The following ABLIM2 variants were observed in gnomAD, a reference collection of about 807,000 sequenced individuals.
ABLIM2 encodes the protein actin binding LIM protein family member 2.
ABLIM2 carries 53 observed loss-of-function variants against 97.7 expected under a neutral mutation model. The ratio of observed to expected loss-of-function variants is 0.54; its 90% CI spans 0.44 to 0.68. The LOEUF is 0.68. ABLIM2 is among the 30% of genes least tolerant of loss of function. The pLI, the probability that ABLIM2 is intolerant of heterozygous loss-of-function variation, is 0.00. For missense variants in ABLIM2, 835 were observed against 867.2 expected (o/e 0.96, Z 0.47); for synonymous variants, 361 against 345.8 (o/e 1.04, Z -0.49).
chr4:8,085,727 TG>T lies in ABLIM2; in HGVS notation c.454+2441del, dbSNP rs940774063. ...GCAGCCCCGTCCACTCACGCGGGTC[TG>T]GGGGGTGCACCCAGCACATTTCACA... On this transcript the variant is annotated intron_variant, in intron 4 of 20. Transcript: ENST00000447017. The surrounding 1 kb of genome is among the most constrained non-coding windows in gnomAD (Gnocchi z 6.1). 6.6e-6 allele frequency among the ~76,000 whole-genome samples: 1 copy of T among 151,908 alleles called. No individual in the cohort carries two copies. Among genetic ancestry groups the T allele is most frequent in the Admixed American group, 6.6e-5 (1 of 15,256 alleles).
At position 7,970,555 on chromosome 4, in the gene ABLIM2, T is replaced by C. The variant is rs1727043880; in HGVS notation, c.1825-3452A>G. On this transcript the variant is annotated intron_variant, in intron 20 of 20. Coordinates refer to ENST00000447017, the MANE Select transcript of ABLIM2 (RefSeq NM_001130083.2). This position sits in a 1 kb window ranked among gnomAD's most constrained non-coding sequence, Gnocchi z 5.3. ...GGGCAGGCTTGAGGATGACACCATG[T>C]GCTCCAGGCTGTGGGAGCCTCTGGG... Among the ~76,000 whole-genome samples, 1 of 151,898 alleles carries C rather than the reference T, an allele frequency of 6.6e-6. No homozygotes were observed. Among genetic ancestry groups the C allele is most frequent in the Admixed American group, 6.6e-5 (1 of 15,242 alleles).
chr4:7,974,260 C>T (rs79665814), intron 20 of ABLIM2, among the ~76,000 whole-genome samples: 2 of 151,802 alleles, frequency 1.3e-5, no homozygotes, highest in Non-Finnish European at 2.9e-5. Flanking sequence ...TTCACCTATC[C>T]ACCCATGCAT....
intron 2 of ABLIM2, among the ~76,000 whole-genome samples, chr4:8,102,579 G>C (rs551712465): frequency 1.3e-5 from 2 of 152,286 alleles, no homozygotes; most frequent in Admixed American, 6.5e-5. Context: ...AAACTGGGTT[G>C]AGACACCTGC....
chr4:8,153,243 C>T (rs1713718136), intron 1 of ABLIM2, among the ~76,000 whole-genome samples: 1 of 152,218 alleles, frequency 6.6e-6, no homozygotes, highest in South Asian at 2.1e-4. Context: ...TTCCATGAGT[C>T]AGGGACACAC....
rs766967949 is a variant in ABLIM2 at position 7,983,216 on chromosome 4, A to T, written c.1824+48T>A. ...CACCACGGAGGAGGCATCTGCGGGG[A>T]CTCTCGCATGGGAAATGAGTCCCCT... is the stretch of plus-strand genomic sequence containing the variant. On this transcript the variant is annotated intron_variant, in intron 20 of 20. Transcript: ENST00000447017. The T allele has an allele frequency of 5.1e-6, 8 of 1,554,844 alleles. No homozygotes were observed. In the African/African-American group the frequency reaches 1.1e-4, roughly 21 times the overall value.
intron 9 of ABLIM2, among the ~76,000 whole-genome samples, chr4:8,040,536 G>T (rs182041409): frequency 3.3e-5 from 5 of 151,952 alleles, no homozygotes; most frequent in Admixed American, 2.0e-4. Context: ...GCTTGAACCC[G>T]GGAGGCAGAA....
chr4:8,048,674 C>T (rs994465443), intron 8 of ABLIM2, among the ~76,000 whole-genome samples: 1 of 152,188 alleles, frequency 6.6e-6, no homozygotes, highest in African/African-American at 2.4e-5. Flanking sequence ...TTCCTCGTTC[C>T]TCAATGGCCC....
chr4:7,987,626 C>CCTT (rs1164803797), intron 17 of ABLIM2, among the ~76,000 whole-genome samples: 1 of 152,194 alleles, frequency 6.6e-6, no homozygotes, highest in Non-Finnish European at 1.5e-5. Context: ...CAGGGCACCA[C>CCTT]CTTCACCTTG....
chr4:7,982,427 G>A (rs1338011766), intron 20 of ABLIM2, among the ~76,000 whole-genome samples: 1 of 152,248 alleles, frequency 6.6e-6, no homozygotes, highest in African/African-American at 2.4e-5. Context: ...CCCCCGGGCT[G>A]GATGCTGGGA....
chr4:8,072,028 C>G lies in ABLIM2; in HGVS notation c.675+5600G>C. ...CCCCGCCCGCAGTTCCCACCTTGCA[C>G]CCGGGGAGGATGCTCAGAGCTGTGC... is the stretch of plus-strand genomic sequence containing the variant. On this transcript the variant is annotated intron_variant, in intron 6 of 20. Coordinates refer to ENST00000447017, the MANE Select transcript of ABLIM2 (RefSeq NM_001130083.2). This position sits in a 1 kb window ranked among gnomAD's most constrained non-coding sequence, Gnocchi z 5.8. 1.0e-6 allele frequency: 1 copy of G among 985,460 alleles called. No homozygotes were observed. Among genetic ancestry groups the G allele is most frequent in the Non-Finnish European group, 1.2e-6 (1 of 829,970 alleles). The allele number at this position is 985,460 out of a possible 1,614,324, so 61.0% of individuals were successfully genotyped here.
chr4:7,975,019 G>C (rs1731819077), intron 20 of ABLIM2, among the ~76,000 whole-genome samples: 1 of 152,192 alleles, frequency 6.6e-6, no homozygotes, highest in South Asian at 2.1e-4. Flanking sequence ...AGGAATTTGA[G>C]ACCAGCCAGG....
chr4:8,027,385 T>A (rs556508248), intron 12 of ABLIM2, among the ~76,000 whole-genome samples: 3 of 152,300 alleles, frequency 2.0e-5, no homozygotes, highest in Admixed American at 2.0e-4. Flanking sequence ...GCGTAGCTTC[T>A]GCTCCTGAAC....
At position 8,106,488 on chromosome 4, in the gene ABLIM2, A is replaced by G; in HGVS notation, c.154+6T>C. On this transcript the variant is annotated splice_donor_region_variant and intron_variant, in intron 2 of 20. Coordinates refer to ENST00000447017, the MANE Select transcript of ABLIM2 (RefSeq NM_001130083.2). ...GCCACACTGCAGGGGACCGGGGGAC[A>G]CTCACCTTTACAGACGAAGCACTTG... 2 of 1,590,430 alleles carry G rather than the reference A, an allele frequency of 1.3e-6. No individual in the cohort carries two copies. Among genetic ancestry groups the G allele is most frequent in the Non-Finnish European group, 1.7e-6 (2 of 1,168,482 alleles).
chr4:8,030,839 GTGTT>G (rs1280739566), intron 10 of ABLIM2, among the ~76,000 whole-genome samples: 2 of 152,188 alleles, frequency 1.3e-5, no homozygotes, highest in Non-Finnish European at 2.9e-5. Flanking sequence ...GGCCCCTTGT[GTGTT>G]TGGCCGTCAC....
In ABLIM2 at chr4:8,123,530, T is replaced by C. The variant is rs140628363; in HGVS notation, c.11-16893A>G. On this transcript the variant is annotated intron_variant, in intron 1 of 20. Transcript: ENST00000447017. The surrounding 1 kb of genome is among the most constrained non-coding windows in gnomAD (Gnocchi z 6.2). ...TGGTGTGAGGGAAGCATTTCCGGCA[T>C]GTCTAATTAAAACTGGTCGTCGGGA... Among the ~76,000 whole-genome samples, 1 of 152,302 alleles carries C rather than the reference T, an allele frequency of 6.6e-6. No individual in the cohort carries two copies. Among genetic ancestry groups the C allele is most frequent in the African/African-American group, 2.4e-5 (1 of 41,578 alleles).
In ABLIM2 at chr4:8,043,861, G is replaced by C. The variant is rs569454687; in HGVS notation, c.900+1303C>G. 9.8e-4 allele frequency among the ~76,000 whole-genome samples: 150 copies of C among 152,340 alleles called. No homozygotes were observed. The highest frequency in any genetic ancestry group is 1.3e-3 in the Non-Finnish European group (91 of 68,030). On this transcript the variant is annotated intron_variant, in intron 9 of 20. Transcript: ENST00000447017. This position sits in a 1 kb window ranked among gnomAD's most constrained non-coding sequence, Gnocchi z 4.8. ...TGAGCCCTGGACCGAAGGTGCCTGG[G>C]GGTCTCCGTGGATTACTGAGGGGCT...
chr4:8,128,444 G>T lies in ABLIM2; in HGVS notation c.11-21807C>A, dbSNP rs1045454675. Among the ~76,000 whole-genome samples the T allele has an allele frequency of 6.6e-6, 1 of 152,168 alleles. No individual in the cohort carries two copies. The highest frequency in any genetic ancestry group is 1.5e-5 in the Non-Finnish European group (1 of 68,038). The stretch of plus-strand genomic sequence containing the variant: ...AGTACAGCTGCCTGCAGCTCGCAAG[G>T]CCCCTGCATACCGAAACATGGCTAG... On this transcript the variant is annotated intron_variant, in intron 1 of 20. Coordinates refer to ENST00000447017, the MANE Select transcript of ABLIM2 (RefSeq NM_001130083.2). This position sits in a 1 kb window ranked among gnomAD's most constrained non-coding sequence, Gnocchi z 4.9.
chr4:8,112,048 C>T lies in ABLIM2; in HGVS notation c.11-5411G>A, dbSNP rs146072529. 1.2e-4 allele frequency among the ~76,000 whole-genome samples: 19 copies of T among 152,096 alleles called. No individual in the cohort carries two copies. The highest frequency in any genetic ancestry group is 2.8e-4 in the Non-Finnish European group (19 of 68,006). On this transcript the variant is annotated intron_variant, in intron 1 of 20. Transcript: ENST00000447017. This position sits in a 1 kb window ranked among gnomAD's most constrained non-coding sequence, Gnocchi z 4.2. ...AACAAGTCTCTAACTGTGATAATAA[C>T]ATAGAACATAAACTCAAGTGCTAAG...
rs1577096254 is a variant in ABLIM2, at chr4:8,069,241, A to T, written c.676-8187T>A. Among the ~76,000 whole-genome samples, 1 of 152,260 alleles carries T rather than the reference A, an allele frequency of 6.6e-6. No homozygotes were observed. Among genetic ancestry groups the T allele is most frequent in the Non-Finnish European group, 1.5e-5 (1 of 68,046 alleles). ...CCTCCAGCAGTGGCACTGGCAGACG[A>T]GCCGTCCAGTGGGGACGTTCTGAAC... On this transcript the variant is annotated intron_variant, in intron 6 of 20. Coordinates refer to ENST00000447017, the MANE Select transcript of ABLIM2 (RefSeq NM_001130083.2). The surrounding 1 kb of genome is among the most constrained non-coding windows in gnomAD (Gnocchi z 4.2).
Sources: gnomAD v4.1 joint callset for allele counts (sites outside exome capture counted in the v4.1 genomes callset) on GRCh38, gnomAD v4.1.1 for gene constraint, Gnocchi (gnomAD v3.1) non-coding constraint, MANE v1.5 for transcripts, NCBI Gene and HGNC (gene_info 2026-07-23, HGNC 2026-07-21) for gene names.